Variants in NUDCD3 observed in about 807,000 individuals in gnomAD.
The protein encoded by NUDCD3 is nudC domain-containing protein 3.
Under a neutral mutation model 39.7 loss-of-function variants are expected in NUDCD3, and 13 were observed. The observed-to-expected ratio is 0.33, with a 90% CI of 0.21 to 0.52. NUDCD3 has a LOEUF of 0.52. NUDCD3 is among the 20% of genes least tolerant of loss of function. NUDCD3 has a pLI of 0.96. For missense variants in NUDCD3, 453 were observed against 458.1 expected (o/e 0.99, Z 0.10); for synonymous variants, 175 against 172.4 (o/e 1.02, Z -0.12).
chr7:44,386,265 C>G, intron 5 of NUDCD3, 144 bp from the exon 6 acceptor site: 2 of 826,914 alleles, frequency 2.4e-6, no homozygotes, highest in South Asian at 3.5e-5. Context: ...GGCCAGAGAA[C>G]TGTACTACCC....
chr7:44,471,897 C>G (rs1012483890), intron 2 of NUDCD3: 1 of 152,268 alleles, frequency 6.6e-6, no homozygotes, highest in African/African-American at 2.4e-5. Context: ...TTTGTCTCCT[C>G]CATCCACCCT....
intron 2 of NUDCD3, among the ~76,000 whole-genome samples, chr7:44,467,147 C>A (rs959189951): frequency 3.3e-5 from 5 of 152,150 alleles, no homozygotes; most frequent in African/African-American, 9.7e-5. Flanking sequence ...GCCTGCTGAA[C>A]CAGCATCTCA....
rs531141830 is a variant in NUDCD3 at position 44,405,669 on chromosome 7, T to TA, written c.643-1087dup. On this transcript the variant is annotated intron_variant, in intron 3 of 5. Transcript: ENST00000355451. Reference sequence around the variant, plus strand: ...TGGAAAAAAAGACAACCCAAACTGATAGATTTTCCAAACTGGAGTTTAGTA... The same window carrying TA: ...TGGAAAAAAAGACAACCCAAACTGATAAGATTTTCCAAACTGGAGTTTAGTA... 1.7e-4 allele frequency among the ~76,000 whole-genome samples: 26 copies of TA among 152,338 alleles called. No individual in the cohort carries two copies. In the South Asian group the frequency reaches 5.0e-3, roughly 29 times the overall value.
intron 5 of NUDCD3, among the ~76,000 whole-genome samples, chr7:44,389,261 GAC>G (rs35754876): frequency 0.13 from 19,547 of 152,260 alleles, 1,658 homozygotes; most frequent in Non-Finnish European, 0.19. Flanking sequence ...GTCCCGAACT[GAC>G]AGTGAGGATC....
At chr7:44,409,579 T>A (rs1425640721) in intron 3 of NUDCD3, among the ~76,000 whole-genome samples, 2 of 148,422 alleles carry the variant, frequency 1.3e-5, no homozygotes, top group East Asian at 3.9e-4. Flanking sequence ...AAAAAAAAAA[T>A]TAGACAAAGA....
At chr7:44,429,724 C>T (rs1394240453) in intron 2 of NUDCD3, among the ~76,000 whole-genome samples, 1 of 152,116 alleles carries the variant, frequency 6.6e-6, no homozygotes, top group Non-Finnish European at 1.5e-5. Context: ...CCTTAAACTA[C>T]TCACACAGGC....
chr7:44,409,955 C>G (rs1039501338), intron 3 of NUDCD3, among the ~76,000 whole-genome samples: 1 of 151,844 alleles, frequency 6.6e-6, no homozygotes, highest in Non-Finnish European at 1.5e-5. Context: ...AAAGAACAAG[C>G]AAACTTGAAG....
At chr7:44,419,963 C>T (rs1799107323) in intron 3 of NUDCD3, among the ~76,000 whole-genome samples, 1 of 152,140 alleles carries the variant, frequency 6.6e-6, no homozygotes, top group African/African-American at 2.4e-5. Flanking sequence ...CGCAACTCCT[C>T]TCCAGCAAGG....
intron 2 of NUDCD3, chr7:44,484,685 A>G (rs1431609086): frequency 5.8e-6 from 2 of 345,922 alleles, no homozygotes; most frequent in Non-Finnish European, 1.1e-5. Flanking sequence ...ACACAGATAA[A>G]GTTAGGTCTT....
In NUDCD3 at chr7:44,384,484, G is replaced by A. The variant is rs1424703298; in HGVS notation, c.*1527C>T. The A allele has an allele frequency of 1.3e-5, 2 of 152,146 alleles. No homozygotes were observed. The highest frequency in any genetic ancestry group is 1.9e-4 in the East Asian group (1 of 5,198). The allele number at this position is 152,146 out of a possible 1,614,324, so 9.4% of individuals were successfully genotyped here. On this transcript the variant is annotated 3_prime_UTR_variant, in exon 6 of 6. Coordinates refer to ENST00000355451, the MANE Select transcript of NUDCD3 (RefSeq NM_015332.4). ...CTTTTGCTCTCCTGTGATGATCGGA[G>A]CAACATGTTTGGACCCACAGAAGAC...
intron 4 of NUDCD3, among the ~76,000 whole-genome samples, chr7:44,402,034 T>C (rs1229502976): frequency 6.6e-6 from 1 of 152,188 alleles, no homozygotes; most frequent in East Asian, 1.9e-4. Flanking sequence ...CACAGAGCCT[T>C]TCAGCTGAAA....
At chr7:44,467,272 G>A (rs1362170262) in intron 2 of NUDCD3, among the ~76,000 whole-genome samples, 3 of 152,216 alleles carry the variant, frequency 2.0e-5, no homozygotes. Context: ...AGATCGGTGT[G>A]AAATTTTGCT....
chr7:44,485,467 CAGG>C, intron 1 of NUDCD3, 183 bp from the exon 2 acceptor site: 1 of 556,256 alleles, frequency 1.8e-6, no homozygotes, highest in Non-Finnish European at 3.2e-6. Flanking sequence ...CAGTGTTTAA[CAGG>C]AGGATTCCAA....
chr7:44,423,320 C>T (rs185885426), intron 3 of NUDCD3, among the ~76,000 whole-genome samples: 3 of 152,048 alleles, frequency 2.0e-5, no homozygotes, highest in African/African-American at 7.2e-5. Flanking sequence ...AGAAATAAAG[C>T]GTATTCAAAT....
chr7:44,412,216 A>G (rs1221296737), intron 3 of NUDCD3, among the ~76,000 whole-genome samples: 1 of 152,260 alleles, frequency 6.6e-6, no homozygotes, highest in African/African-American at 2.4e-5. Flanking sequence ...GGATATATCC[A>G]AAAAACACAT....
chr7:44,393,345 G>C (rs149243076), intron 4 of NUDCD3, among the ~76,000 whole-genome samples: 5 of 152,310 alleles, frequency 3.3e-5, no homozygotes, highest in African/African-American at 1.2e-4. Context: ...AAACTTAAAA[G>C]ACAACTGGAA....
In NUDCD3 at chr7:44,432,802, T is replaced by C. The variant is rs565919267; in HGVS notation, c.510-5099A>G. 4.6e-4 allele frequency among the ~76,000 whole-genome samples: 70 copies of C among 152,352 alleles called. 3 individuals are homozygous for C. In the South Asian group the frequency reaches 0.012, roughly 26 times the overall value. On this transcript the variant is annotated intron_variant, in intron 2 of 5. Coordinates refer to ENST00000355451, the MANE Select transcript of NUDCD3 (RefSeq NM_015332.4). ...CTGTCACCCTCATCTCCTTCCATTATCCCAGGTGTAAGAGCTGTCATCACA... is the reference window on the plus strand; with the variant it reads ...CTGTCACCCTCATCTCCTTCCATTACCCCAGGTGTAAGAGCTGTCATCACA...
chr7:44,482,146 G>A (rs1800504194), intron 2 of NUDCD3, among the ~76,000 whole-genome samples: 1 of 152,170 alleles, frequency 6.6e-6, no homozygotes. Context: ...TAGTAAGGAG[G>A]CTGCGCATAG....
chr7:44,397,332 T>C (rs1249940994), intron 4 of NUDCD3, among the ~76,000 whole-genome samples: 2 of 152,234 alleles, frequency 1.3e-5, no homozygotes, highest in African/African-American at 4.8e-5. Flanking sequence ...TGTAGAGATC[T>C]GCCTGCTTTC....
Sources: allele counts gnomAD v4.1 joint callset (sites outside exome capture counted in the v4.1 genomes callset), GRCh38; gene constraint gnomAD v4.1.1; transcripts MANE v1.5; gene names NCBI Gene and HGNC (gene_info 2026-07-23, HGNC 2026-07-21).